The following RFX3 variants were observed in gnomAD, a reference collection of about 807,000 sequenced individuals.
The protein encoded by RFX3 is transcription factor RFX3.
Under a neutral mutation model 98.6 loss-of-function variants are expected in RFX3, and 14 were observed. That is an observed-to-expected ratio of 0.14 (90% confidence interval 0.09 to 0.22). The LOEUF (loss-of-function observed/expected upper bound fraction) is 0.22. RFX3 is among the 10% of genes least tolerant of loss of function. The probability of loss-of-function intolerance (pLI) is 1.00; values close to 1 mark genes in which losing one functional copy is unlikely to be tolerated. For synonymous variants in RFX3, 383 were observed against 328.4 expected (o/e 1.17, Z -1.80); for missense variants, 639 against 926.9 (o/e 0.69, Z 4.03).
intron 1 of RFX3, among the ~76,000 whole-genome samples, chr9:3,508,185 A>AT (rs1344572934): frequency 1.3e-5 from 2 of 152,026 alleles, no homozygotes; most frequent in Non-Finnish European, 2.9e-5. Context: ...TAAGACATTA[A>AT]GACCACGTTC....
At chr9:3,319,853 GAAA>G (rs199976614) in intron 4 of RFX3, among the ~76,000 whole-genome samples, 1 of 121,446 alleles carries the variant, frequency 8.2e-6, no homozygotes. Context: ...GTCAGTGACC[GAAA>G]AAAAAAAAAA....
intron 1 of RFX3, among the ~76,000 whole-genome samples, chr9:3,444,944 T>C (rs1845909502): frequency 6.6e-6 from 1 of 152,200 alleles, no homozygotes; most frequent in African/African-American, 2.4e-5. Flanking sequence ...GAGAAATTCC[T>C]ATGTGGGATA....
intron 3 of RFX3, among the ~76,000 whole-genome samples, chr9:3,337,171 G>C (rs1833288478): frequency 6.6e-6 from 1 of 152,082 alleles, no homozygotes; most frequent in Non-Finnish European, 1.5e-5. Flanking sequence ...TGAGAAAACG[G>C]AGTTGCAATC....
At chr9:3,400,432 C>T (rs912714293) in intron 1 of RFX3, among the ~76,000 whole-genome samples, 11 of 152,224 alleles carry the variant, frequency 7.2e-5, no homozygotes, top group Admixed American at 1.3e-4. Context: ...CCTAGTCCTG[C>T]ACAACCAAGT....
In RFX3 at chr9:3,293,179, C is replaced by T. The variant is rs1827598344; in HGVS notation, c.629G>A (p.Arg210Gln). The T allele has an allele frequency of 3.1e-6, 5 of 1,613,372 alleles. No homozygotes were observed. The highest frequency in any genetic ancestry group is 4.2e-6 in the Non-Finnish European group (5 of 1,179,646). The change falls in exon 6 of 17, where the codon CGA becomes CAA. Residue 210 changes from arginine to glutamine, a missense_variant. Transcript: ENST00000617270. ...PRSTLYNHYL[R>Q]HCQEHKLDPV... The stretch of plus-strand genomic sequence containing the variant: ...GTCCAGTTTGTGTTCCTGACAGTGT[C>T]GAAGGTAGTGGTTGTACAGAGTGCT...
intron 3 of RFX3, among the ~76,000 whole-genome samples, chr9:3,332,503 T>C (rs547828068): frequency 6.6e-6 from 1 of 152,326 alleles, no homozygotes; most frequent in Admixed American, 6.5e-5. Flanking sequence ...ATGATCAACC[T>C]GTAATTGCCT....
chr9:3,233,128 A>G (rs1168447137), intron 15 of RFX3, among the ~76,000 whole-genome samples: 1 of 152,244 alleles, frequency 6.6e-6, no homozygotes, highest in Non-Finnish European at 1.5e-5. Context: ...CTCACTGGAC[A>G]ACAGCAGGCT....
intron 2 of RFX3, among the ~76,000 whole-genome samples, chr9:3,386,603 A>G (rs186405717): frequency 2.0e-4 from 31 of 152,316 alleles, no homozygotes; most frequent in African/African-American, 6.7e-4. Context: ...GTAGTCCTCA[A>G]AGAAATACAA....
At chr9:3,230,360 T>C (rs1411709490) in intron 15 of RFX3, among the ~76,000 whole-genome samples, 1 of 152,188 alleles carries the variant, frequency 6.6e-6, no homozygotes, top group Non-Finnish European at 1.5e-5. Context: ...GAGCTATTTT[T>C]TAGAGTTATT....
At chr9:3,233,833 C>T (rs906177268) in intron 15 of RFX3, among the ~76,000 whole-genome samples, 1 of 45,194 alleles carries the variant, frequency 2.2e-5, no homozygotes, top group Non-Finnish European at 1.1e-4. Context: ...GTGCCTGGCA[C>T]ATAAGGAAGC....
intron 13 of RFX3, 44 bp downstream of exon 13, chr9:3,262,891 G>T: frequency 6.3e-7 from 1 of 1,587,346 alleles, no homozygotes; most frequent in Non-Finnish European, 8.6e-7. Flanking sequence ...GAACAAATTG[G>T]GTATCTTTCC....
intron 7 of RFX3, among the ~76,000 whole-genome samples, chr9:3,285,131 T>C (rs566391923): frequency 6.6e-6 from 1 of 151,954 alleles, no homozygotes; most frequent in East Asian, 1.9e-4. Flanking sequence ...AATCACTGCA[T>C]AGACTTGCAT....
At chr9:3,522,484 T>G (rs1818815664) in intron 1 of RFX3, among the ~76,000 whole-genome samples, 1 of 152,182 alleles carries the variant, frequency 6.6e-6, no homozygotes, top group South Asian at 2.1e-4. Flanking sequence ...TCTCATTTCT[T>G]GTAACACATT....
At chr9:3,232,300 T>C (rs1818574924) in intron 15 of RFX3, among the ~76,000 whole-genome samples, 1 of 152,174 alleles carries the variant, frequency 6.6e-6, no homozygotes, top group African/African-American at 2.4e-5. Flanking sequence ...TACAGTAGGC[T>C]TTCTCTCAAA....
intron 1 of RFX3, among the ~76,000 whole-genome samples, chr9:3,516,087 T>C (rs1025536936): frequency 2.6e-5 from 4 of 152,188 alleles, no homozygotes; most frequent in Non-Finnish European, 4.4e-5. Flanking sequence ...CTTGCTCTGT[T>C]GCCCAGACTG....
chr9:3,373,358 A>G (rs1320986693), intron 2 of RFX3, among the ~76,000 whole-genome samples: 1 of 152,254 alleles, frequency 6.6e-6, no homozygotes, highest in African/African-American at 2.4e-5. Flanking sequence ...TCCACACTTC[A>G]GACAATATCT....
intron 1 of RFX3, among the ~76,000 whole-genome samples, chr9:3,491,593 A>G (rs1850720940): frequency 6.6e-6 from 1 of 152,166 alleles, no homozygotes; most frequent in African/African-American, 2.4e-5. Flanking sequence ...ATTTTAGGCC[A>G]GTCTACAGTC....
At chr9:3,331,971 C>T (rs551781874) in intron 3 of RFX3, among the ~76,000 whole-genome samples, 4 of 152,256 alleles carry the variant, frequency 2.6e-5, no homozygotes, top group Admixed American at 2.0e-4. Flanking sequence ...TTCCATTCCT[C>T]TCTTGTTCTT....
intron 1 of RFX3, among the ~76,000 whole-genome samples, chr9:3,521,692 G>C (rs547435324): frequency 6.6e-6 from 1 of 152,058 alleles, no homozygotes; most frequent in Non-Finnish European, 1.5e-5. Flanking sequence ...CTTTATAGCA[G>C]TAAATGAAGT....
Sources: gnomAD v4.1 joint callset for allele counts (sites outside exome capture counted in the v4.1 genomes callset) on GRCh38, gnomAD v4.1.1 for gene constraint, MANE v1.5 for transcripts, NCBI Gene and HGNC (gene_info 2026-07-23, HGNC 2026-07-21) for gene names.